YEATS4: variants seen among roughly 807,000 people sequenced by gnomAD.
YEATS4 encodes YEATS domain-containing protein 4.
Under a neutral mutation model 30.1 loss-of-function variants are expected in YEATS4, and 17 were observed. The ratio of observed to expected loss-of-function variants is 0.56; its 90% CI spans 0.39 to 0.85. The LOEUF (loss-of-function observed/expected upper bound fraction) is 0.85. Among genes scored for constraint, YEATS4 ranks in the 40% least tolerant of loss-of-function variants. The probability of loss-of-function intolerance (pLI) is 0.00; values close to 1 mark genes in which losing one functional copy is unlikely to be tolerated. For missense variants in YEATS4, 142 were observed against 268.3 expected (o/e 0.53, Z 3.29); for synonymous variants, 85 against 87.5 (o/e 0.97, Z 0.16).
At chr12:69,374,406 TTTTA>T (rs1875762004) in intron 6 of YEATS4, among the ~76,000 whole-genome samples, 1 of 152,204 alleles carries the variant, frequency 6.6e-6, no homozygotes, top group African/African-American at 2.4e-5. Flanking sequence ...CTTTCTTTTT[TTTTA>T]TTTAATTTTT....
At chr12:69,375,526 C>G (rs160830) in intron 6 of YEATS4, among the ~76,000 whole-genome samples, 4 of 152,132 alleles carry the variant, frequency 2.6e-5, no homozygotes, top group Non-Finnish European at 5.9e-5. Context: ...GCTGTAATCT[C>G]GGCACTTTGG....
At position 69,362,039 on chromosome 12, in the gene YEATS4, A is replaced by C. The variant is rs143038969; in HGVS notation, c.52-749A>C. Among the ~76,000 whole-genome samples the C allele has an allele frequency of 3.4e-3, 116 of 33,776 alleles. No homozygotes were observed. The Middle Eastern group carries it at 0.062, about 18-fold the overall frequency. The allele number at this position is 33,776 out of a possible 152,430, so 22.2% of individuals were successfully genotyped here. On this transcript the variant is annotated intron_variant, in intron 1 of 6. Coordinates refer to ENST00000247843, the MANE Select transcript of YEATS4 (RefSeq NM_006530.4). ...TTTTTTTTTTTTTTTTTTTTTGGAG[A>C]CAGAGGCTCGCTCTGTTGCCCAGGC... is the stretch of plus-strand genomic sequence containing the variant.
intron 1 of YEATS4, among the ~76,000 whole-genome samples, chr12:69,360,439 ATT>A (rs1375338609): frequency 6.6e-6 from 1 of 152,208 alleles, no homozygotes; most frequent in African/African-American, 2.4e-5. Flanking sequence ...TACCCGCAGT[ATT>A]TCCAAGTGCG....
intron 1 of YEATS4, among the ~76,000 whole-genome samples, chr12:69,361,904 G>A (rs1875225001): frequency 6.6e-6 from 1 of 151,714 alleles, no homozygotes; most frequent in Non-Finnish European, 1.5e-5. Context: ...TTTTTGCCAT[G>A]TCTGAATTCA....
the YEATS4 span, among the ~76,000 whole-genome samples, chr12:69,425,412 C>T: frequency 2.0e-5 from 3 of 152,178 alleles, no homozygotes; most frequent in African/African-American, 7.2e-5. Context: ...TTTTCATGAG[C>T]TTCCCCAGAT....
At chr12:69,392,597 TAAG>T (rs1353349000), downstream of YEATS4, among the ~76,000 whole-genome samples, 4 of 152,190 alleles carry the variant, frequency 2.6e-5, no homozygotes, top group Non-Finnish European at 4.4e-5. Context: ...ATCTAGACAA[TAAG>T]AAGAATTAAA....
the YEATS4 span, among the ~76,000 whole-genome samples, chr12:69,420,408 G>C: frequency 3.3e-5 from 5 of 151,406 alleles, no homozygotes; most frequent in East Asian, 9.8e-4. Flanking sequence ...GTTTGGTTAG[G>C]GGGAGGGGGA....
chr12:69,415,331 T>C, the YEATS4 span, among the ~76,000 whole-genome samples: 5 of 152,072 alleles, frequency 3.3e-5, no homozygotes, highest in African/African-American at 9.7e-5. Context: ...TCCCAACACT[T>C]TGGGAGGCCG....
intron 6 of YEATS4, among the ~76,000 whole-genome samples, chr12:69,382,744 G>A (rs905047820): frequency 6.6e-6 from 1 of 152,228 alleles, no homozygotes; most frequent in African/African-American, 2.4e-5. Flanking sequence ...TTGGTAGAAT[G>A]GTGGCTTGGA....
chr12:69,410,390 T>C, the YEATS4 span, among the ~76,000 whole-genome samples: 16 of 152,352 alleles, frequency 1.1e-4, no homozygotes, highest in African/African-American at 3.8e-4. Flanking sequence ...TTCTATATTC[T>C]TCTCAGCTTC....
At chr12:69,379,630 G>C (rs1875996527) in intron 6 of YEATS4, among the ~76,000 whole-genome samples, 1 of 104,490 alleles carries the variant, frequency 9.6e-6, no homozygotes, top group East Asian at 3.2e-4. Context: ...TGGTGGAGAT[G>C]GGGTTTTGCC....
At position 69,390,157 on chromosome 12, in the gene YEATS4, T is replaced by C. The variant is rs315121; in HGVS notation, c.525T>C (p.Leu175=). The C allele has an allele frequency of 0.042, 66,775 of 1,582,548 alleles. 1,802 individuals carry two copies. The highest frequency in any genetic ancestry group is 0.12 in the African/African-American group (8,902 of 72,488). ...AYKHETEFAE[L]EVKTREKLEA... ...ATTTGTTTTCTTTAGTTGCAGAGCT[T>C]GAAGTGAAAACCAGAGAAAAATTAG... is the stretch of plus-strand genomic sequence containing the variant. The change falls in exon 7 of 7, where the codon CTT becomes CTC. Residue 175 remains leucine (L), a synonymous_variant. Transcript: ENST00000247843.
intron 6 of YEATS4, among the ~76,000 whole-genome samples, chr12:69,373,040 A>G (rs1875706477): frequency 6.6e-6 from 1 of 152,100 alleles, no homozygotes; most frequent in South Asian, 2.1e-4. Context: ...TCATCTGTTG[A>G]TGGACACTTG....
At chr12:69,412,204 T>G in the YEATS4 span, among the ~76,000 whole-genome samples, 591 of 152,264 alleles carry the variant, frequency 3.9e-3, 3 homozygotes, top group African/African-American at 0.013. Context: ...GCAACCAACT[T>G]GCTCACAGTC....
intron 2 of YEATS4, among the ~76,000 whole-genome samples, chr12:69,364,648 T>C (rs1875357859): frequency 1.3e-5 from 2 of 152,214 alleles, no homozygotes; most frequent in Admixed American, 6.5e-5. Context: ...AGATGGAGTT[T>C]CTCTCTTATT....
At chr12:69,416,779 C>A in the YEATS4 span, among the ~76,000 whole-genome samples, 1 of 152,140 alleles carries the variant, frequency 6.6e-6, no homozygotes, top group Non-Finnish European at 1.5e-5. Context: ...ACAGTCAATA[C>A]TTAAGTTGGT....
rs1010703867 is a variant in YEATS4 at position 69,371,032 on chromosome 12, G to A, written c.514+57G>A. 2.6e-6 allele frequency: 4 copies of A among 1,529,062 alleles called. No individual in the cohort carries two copies. In the African/African-American group the frequency reaches 4.2e-5, roughly 16 times the overall value. 94.7% of individuals were successfully genotyped at this position (1,529,062 alleles called of 1,614,324 possible). ...TAACGTATTCTGTAATAGTGAAAGG[G>A]TTGTATGATTCGTGCCTTTTACACT... On this transcript the variant is annotated intron_variant, in intron 6 of 6. Coordinates refer to ENST00000247843, the MANE Select transcript of YEATS4 (RefSeq NM_006530.4).
chr12:69,410,337 A>G, the YEATS4 span, among the ~76,000 whole-genome samples: 2 of 152,176 alleles, frequency 1.3e-5, no homozygotes, highest in African/African-American at 4.8e-5. Context: ...CATATAAATC[A>G]TCTCCACTGA....
At chr12:69,363,055 C>T (rs534712799) in intron 2 of YEATS4, 148 bp downstream of exon 2, 40 of 602,940 alleles carry the variant, frequency 6.6e-5, no homozygotes, top group African/African-American at 5.3e-4. Flanking sequence ...TGCAGTGGCG[C>T]GATCTCAGCT....
Sources: gnomAD v4.1 joint callset for allele counts (sites outside exome capture counted in the v4.1 genomes callset) on GRCh38, gnomAD v4.1.1 for gene constraint, MANE v1.5 for transcripts, NCBI Gene and HGNC (gene_info 2026-07-23, HGNC 2026-07-21) for gene names.